The following CADPS variants were observed in gnomAD, a reference collection of about 807,000 sequenced individuals.
The protein encoded by CADPS is calcium dependent secretion activator.
A neutral mutation model predicts 167.3 loss-of-function variants in CADPS; 57 were observed. That is an observed-to-expected ratio of 0.34 (90% CI 0.28 to 0.42). The LOEUF (loss-of-function observed/expected upper bound fraction) is 0.42. CADPS is among the 20% of genes least tolerant of loss of function. The pLI is 1.00. For missense variants in CADPS, 1,414 were observed against 1,738.1 expected, an observed-to-expected ratio of 0.81 and a Z score of 3.32; for synonymous variants, 676 against 635.3, an observed-to-expected ratio of 1.06 and a Z score of -0.96.
intron 11 of CADPS, among the ~76,000 whole-genome samples, chr3:62,547,092 G>A (rs1166147398): frequency 6.6e-6 from 1 of 152,160 alleles, no homozygotes; most frequent in Admixed American, 6.5e-5. Flanking sequence ...AGGAACAGAA[G>A]CCACACTGGC....
At chr3:62,660,477 C>T (rs1216780514) in intron 4 of CADPS, among the ~76,000 whole-genome samples, 3 of 152,144 alleles carry the variant, frequency 2.0e-5, no homozygotes, top group South Asian at 4.1e-4. Flanking sequence ...TTTTAGCCAC[C>T]AGGCTGACTT....
intron 3 of CADPS, among the ~76,000 whole-genome samples, chr3:62,748,269 C>T (rs1018749050): frequency 1.4e-5 from 2 of 141,712 alleles, no homozygotes; most frequent in African/African-American, 5.2e-5. Context: ...TGGCGTGAAC[C>T]CGGGAGGCGG....
intron 7 of CADPS, among the ~76,000 whole-genome samples, chr3:62,589,388 G>A (rs1488419651): frequency 6.6e-6 from 1 of 152,248 alleles, no homozygotes; most frequent in African/African-American, 2.4e-5. Flanking sequence ...GCATCTGGGG[G>A]AATGTATGAG....
intron 1 of CADPS, among the ~76,000 whole-genome samples, chr3:62,820,429 T>C (rs1371826907): frequency 3.3e-5 from 5 of 152,222 alleles, no homozygotes; most frequent in Non-Finnish European, 2.9e-5. Context: ...TTCAATATTA[T>C]ATCCAATACT....
intron 1 of CADPS, among the ~76,000 whole-genome samples, chr3:62,864,252 G>T (rs2081304907): frequency 6.6e-6 from 1 of 152,176 alleles, no homozygotes; most frequent in Non-Finnish European, 1.5e-5. Flanking sequence ...TATGGGTCTG[G>T]CAGTCTGGCA....
chr3:62,493,044 G>A (rs546763730), intron 19 of CADPS, among the ~76,000 whole-genome samples: 1 of 152,130 alleles, frequency 6.6e-6, no homozygotes, highest in Admixed American at 6.5e-5. Flanking sequence ...GGAGGCTTTG[G>A]TTTTGTATCC....
chr3:62,459,283 C>G (rs527571215), intron 26 of CADPS, among the ~76,000 whole-genome samples: 1 of 152,328 alleles, frequency 6.6e-6, no homozygotes, highest in African/African-American at 2.4e-5. Flanking sequence ...TGGCTTATAA[C>G]AGGGAGCTGG....
chr3:62,504,160 A>C (rs1041932648), intron 17 of CADPS, among the ~76,000 whole-genome samples: 9 of 152,188 alleles, frequency 5.9e-5, no homozygotes, highest in African/African-American at 2.2e-4. Flanking sequence ...AATACAGGAC[A>C]AAAAAATTAA....
intron 6 of CADPS, among the ~76,000 whole-genome samples, chr3:62,600,430 C>A (rs1238165698): frequency 6.6e-6 from 1 of 152,148 alleles, no homozygotes; most frequent in Non-Finnish European, 1.5e-5. Flanking sequence ...CCCATAGAGG[C>A]ACCTCCAAAG....
chr3:62,432,479 T>G (rs1486142747), intron 28 of CADPS, among the ~76,000 whole-genome samples: 1 of 152,166 alleles, frequency 6.6e-6, no homozygotes, highest in Non-Finnish European at 1.5e-5. Flanking sequence ...ATCAAGCAAT[T>G]CTAAGCAAGC....
At chr3:62,612,020 C>A (rs1398664875) in intron 6 of CADPS, among the ~76,000 whole-genome samples, 1 of 152,188 alleles carries the variant, frequency 6.6e-6, no homozygotes, top group Non-Finnish European at 1.5e-5. Context: ...CTATCTGTGT[C>A]TAGGTCAATG....
intron 1 of CADPS, among the ~76,000 whole-genome samples, chr3:62,869,059 G>A (rs144674948): frequency 3.3e-5 from 5 of 152,066 alleles, no homozygotes; most frequent in Non-Finnish European, 1.5e-5. Context: ...AAGGATTTTA[G>A]AATATTTATG....
chr3:62,709,293 G>A (rs2082929193), intron 3 of CADPS, among the ~76,000 whole-genome samples: 1 of 152,140 alleles, frequency 6.6e-6, no homozygotes, highest in Non-Finnish European at 1.5e-5. Context: ...TAGAATTGTA[G>A]AAAATGTGTG....
intron 1 of CADPS, among the ~76,000 whole-genome samples, chr3:62,820,795 G>GTTTTTTTTTTTTTTTTTTTTTTTTT (rs5849504): frequency 1.4e-5 from 2 of 137,996 alleles, no homozygotes; most frequent in African/African-American, 2.8e-5. Flanking sequence ...CTTTTTTTTG[G>GTTTTTTTTTTTTTTTTTTTTTTTTT]TTTTTTTTTT....
rs528136296 is a variant in CADPS at position 62,601,267 on chromosome 3, A to C, written c.1326-8519T>G. Among the ~76,000 whole-genome samples, 1 of 152,316 alleles carries C rather than the reference A, an allele frequency of 6.6e-6. No individual in the cohort carries two copies. Among genetic ancestry groups the C allele is most frequent in the South Asian group, 2.1e-4 (1 of 4,830 alleles). ...TGCCCATCAATAACGTTTTATTAGA[A>C]CATAGTTAGCTTACTCATTTTTGTT... On this transcript the variant is annotated intron_variant, in intron 6 of 29. Transcript: ENST00000383710. The surrounding 1 kb of genome is among the most constrained non-coding windows in gnomAD (Gnocchi z 4.3).
At chr3:62,510,206 C>CTATCTATCTATA (rs1306450116) in intron 17 of CADPS, among the ~76,000 whole-genome samples, 7 of 151,964 alleles carry the variant, frequency 4.6e-5, no homozygotes, top group Admixed American at 2.0e-4. Context: ...ATCTATCTAT[C>CTATCTATCTATA]TATCTATCTA....
chr3:62,868,905 G>A (rs915014366), intron 1 of CADPS, among the ~76,000 whole-genome samples: 2 of 152,242 alleles, frequency 1.3e-5, no homozygotes, highest in South Asian at 4.1e-4. Flanking sequence ...ATCTCCACAT[G>A]AGAGATTTAG....
At position 62,643,503 on chromosome 3, in the gene CADPS, T is replaced by C. The variant is rs554326650; in HGVS notation, c.1325+2219A>G. ...ACATCATAAGCCACATGTATAGTTA[T>C]GAGTAAGTATGTGTATAAAACATGA... On this transcript the variant is annotated intron_variant, in intron 6 of 29. Transcript: ENST00000383710. 2.0e-5 allele frequency among the ~76,000 whole-genome samples: 3 copies of C among 152,350 alleles called. No homozygotes were observed. The South Asian group carries it at 6.2e-4, about 32-fold the overall frequency.
intron 28 of CADPS, among the ~76,000 whole-genome samples, chr3:62,422,522 C>T (rs2051654455): frequency 6.6e-6 from 1 of 151,804 alleles, no homozygotes; most frequent in Non-Finnish European, 1.5e-5. Context: ...CTTTTCTTTT[C>T]CTTCCTTACT....
Sources: allele counts gnomAD v4.1 joint callset (sites outside exome capture counted in the v4.1 genomes callset), GRCh38; gene constraint gnomAD v4.1.1; non-coding constraint Gnocchi (gnomAD v3.1); transcripts MANE v1.5; gene names NCBI Gene and HGNC (gene_info 2026-07-23, HGNC 2026-07-21).